PRKD1: variants seen among roughly 807,000 people sequenced by gnomAD.
PRKD1 encodes the protein serine/threonine-protein kinase D1.
A neutral mutation model predicts 95.9 loss-of-function variants in PRKD1; 63 were observed. The observed-to-expected ratio is 0.66, with a 90% CI of 0.54 to 0.81. The LOEUF is 0.81. Ranked by LOEUF, PRKD1 falls within the 30% of genes least tolerant of loss-of-function variation. The pLI is 0.00. For synonymous variants in PRKD1, 425 were observed against 423.1 expected, an observed-to-expected ratio of 1.00 and a Z score of -0.05; for missense variants, 1,048 against 1,165.3, an observed-to-expected ratio of 0.90 and a Z score of 1.47.
intron 1 of PRKD1, among the ~76,000 whole-genome samples, chr14:29,873,758 T>G (rs768188672): frequency 6.6e-6 from 1 of 151,882 alleles, no homozygotes; most frequent in Non-Finnish European, 1.5e-5. Context: ...GATGAAATAT[T>G]AGAGATTATG....
intron 1 of PRKD1, among the ~76,000 whole-genome samples, chr14:29,767,631 C>A (rs1250026494): frequency 6.6e-6 from 1 of 152,110 alleles, no homozygotes; most frequent in Non-Finnish European, 1.5e-5. Flanking sequence ...TCTCTTCAAA[C>A]TAAAATGTTC....
At chr14:29,708,157 G>A (rs754990566) in intron 2 of PRKD1, among the ~76,000 whole-genome samples, 28 of 152,036 alleles carry the variant, frequency 1.8e-4, no homozygotes, top group Non-Finnish European at 3.8e-4. Flanking sequence ...GATGACATTA[G>A]GAAGGACAAT....
At chr14:29,650,872 G>A (rs1881450758) in intron 4 of PRKD1, among the ~76,000 whole-genome samples, 3 of 152,216 alleles carry the variant, frequency 2.0e-5, no homozygotes, top group African/African-American at 7.2e-5. Context: ...GTGGGAAACA[G>A]ATAAGGTGTC....
intron 2 of PRKD1, among the ~76,000 whole-genome samples, chr14:29,713,395 A>G (rs1885429263): frequency 6.6e-6 from 1 of 152,216 alleles, no homozygotes; most frequent in Admixed American, 6.6e-5. Context: ...GGAATCTACC[A>G]AAGAAAGATC....
At chr14:29,806,313 T>G (rs565443899) in intron 1 of PRKD1, among the ~76,000 whole-genome samples, 1 of 152,330 alleles carries the variant, frequency 6.6e-6, no homozygotes, top group East Asian at 1.9e-4. Context: ...GTAAGGACAA[T>G]TTCAGTTTAT....
At chr14:29,593,840 C>T (rs1893210404) in intron 16 of PRKD1, among the ~76,000 whole-genome samples, 1 of 152,086 alleles carries the variant, frequency 6.6e-6, no homozygotes, top group Non-Finnish European at 1.5e-5. Flanking sequence ...TATTAGCAGG[C>T]ATATATGCAG....
In PRKD1 at chr14:29,717,693, CA is replaced by C. The variant is rs1286414231; in HGVS notation, c.403+7842del. Reference sequence around the variant, plus strand: ...ATTGTTATTATTATTTCTAAAAGAACAATATGTGGCAAGAAATATTATTTAT... The same window carrying C: ...ATTGTTATTATTATTTCTAAAAGAACATATGTGGCAAGAAATATTATTTAT... On this transcript the variant is annotated intron_variant, in intron 2 of 17. Coordinates refer to ENST00000331968, the MANE Select transcript of PRKD1 (RefSeq NM_002742.3). 5.3e-5 allele frequency among the ~76,000 whole-genome samples: 8 copies of C among 152,078 alleles called. No individual in the cohort carries two copies. In the South Asian group the frequency reaches 1.7e-3, roughly 32 times the overall value.
chr14:29,851,334 A>G (rs1336386364), intron 1 of PRKD1, among the ~76,000 whole-genome samples: 1 of 152,168 alleles, frequency 6.6e-6, no homozygotes, highest in Non-Finnish European at 1.5e-5. Flanking sequence ...GCATCCTACA[A>G]AGGTCTAATA....
rs531088322 is a variant in PRKD1 at position 29,869,864 on chromosome 14, A to G, written c.264+57385T>C. On this transcript the variant is annotated intron_variant, in intron 1 of 17. Transcript: ENST00000331968. ...CTTCCTCTTTTTATTTTGGCCTACA[A>G]TATTTGCTTTTCTTTGAAAGATTGC... 2.6e-5 allele frequency among the ~76,000 whole-genome samples: 4 copies of G among 152,260 alleles called. No individual in the cohort carries two copies. The South Asian group carries it at 6.2e-4, about 24-fold the overall frequency.
intron 1 of PRKD1, among the ~76,000 whole-genome samples, chr14:29,900,193 C>T (rs1036242654): frequency 3.3e-5 from 5 of 152,160 alleles, no homozygotes; most frequent in Non-Finnish European, 5.9e-5. Context: ...CCATAACAAT[C>T]CTAAATGTCT....
chr14:29,705,729 A>C (rs992346317), intron 2 of PRKD1, among the ~76,000 whole-genome samples: 1 of 152,064 alleles, frequency 6.6e-6, no homozygotes, highest in Non-Finnish European at 1.5e-5. Context: ...GCCATATAAC[A>C]TATAAACTGA....
chr14:29,669,019 A>AGG (rs1232481963), intron 2 of PRKD1, among the ~76,000 whole-genome samples: 1 of 152,202 alleles, frequency 6.6e-6, no homozygotes, highest in Non-Finnish European at 1.5e-5. Context: ...TTGACTATTT[A>AGG]AACACTATGG....
chr14:29,669,521 T>C (rs1882719553), intron 2 of PRKD1, among the ~76,000 whole-genome samples: 1 of 152,106 alleles, frequency 6.6e-6, no homozygotes, highest in Admixed American at 6.6e-5. Flanking sequence ...CAAAATCACA[T>C]ACTTGCTATT....
chr14:29,674,632 G>A (rs1199665824), intron 2 of PRKD1, among the ~76,000 whole-genome samples: 1 of 152,144 alleles, frequency 6.6e-6, no homozygotes, highest in East Asian at 1.9e-4. Flanking sequence ...GGGAAAGAAA[G>A]GTCAAATCTA....
chr14:29,588,824 GTGTGTGTGTT>G lies in PRKD1; in HGVS notation c.2434+8657_2434+8666del, dbSNP rs1416938599. Among the ~76,000 whole-genome samples the G allele has an allele frequency of 5.3e-3, 790 of 147,824 alleles. 7 individuals are homozygous for G. The highest frequency in any genetic ancestry group is 0.019 in the African/African-American group (712 of 38,446). ...TGTGTGTGTGTGTGTGTGTGTGTGT[GTGTGTGTGTT>G]TGTGTCACCAAATGTCAAGGCTTCC... On this transcript the variant is annotated intron_variant, in intron 16 of 17. Transcript: ENST00000331968.
chr14:29,615,275 G>A (rs1185303794), intron 13 of PRKD1, among the ~76,000 whole-genome samples: 1 of 152,034 alleles, frequency 6.6e-6, no homozygotes, highest in Non-Finnish European at 1.5e-5. Flanking sequence ...CAGCTTTATT[G>A]TCAAATACCA....
At chr14:29,663,148 C>T (rs1353956001) in intron 4 of PRKD1, among the ~76,000 whole-genome samples, 5 of 131,654 alleles carry the variant, frequency 3.8e-5, no homozygotes, top group African/African-American at 8.5e-5. Context: ...AATATTCTTC[C>T]ATATATATAT....
At chr14:29,639,264 A>T (rs887633971) in intron 4 of PRKD1, among the ~76,000 whole-genome samples, 3 of 152,242 alleles carry the variant, frequency 2.0e-5, no homozygotes, top group Admixed American at 6.5e-5. Context: ...ACAGGATTAC[A>T]TTCACATGGT....
At chr14:29,815,304 T>C (rs1490070309) in intron 1 of PRKD1, among the ~76,000 whole-genome samples, 1 of 152,230 alleles carries the variant, frequency 6.6e-6, no homozygotes, top group African/African-American at 2.4e-5. Flanking sequence ...TAGTAAATCA[T>C]AGTTAACATG....
Sources: gnomAD v4.1 joint callset for allele counts (sites outside exome capture counted in the v4.1 genomes callset) on GRCh38, gnomAD v4.1.1 for gene constraint, MANE v1.5 for transcripts, NCBI Gene and HGNC (gene_info 2026-07-23, HGNC 2026-07-21) for gene names.